The following ZCCHC14 variants were observed in gnomAD, a reference collection of about 807,000 sequenced individuals.
The protein encoded by ZCCHC14 is zinc finger CCHC domain-containing protein 14.
Under a neutral mutation model 85.0 loss-of-function variants are expected in ZCCHC14, and 16 were observed. The observed-to-expected ratio is 0.19, with a 90% CI of 0.13 to 0.29. The LOEUF is 0.29. Among genes scored for constraint, ZCCHC14 ranks in the 10% least tolerant of loss-of-function variants. The pLI is 1.00. For missense variants in ZCCHC14, 1,303 were observed against 1,443.5 expected (o/e 0.90, Z 1.58); for synonymous variants, 775 against 630.7 (o/e 1.23, Z -3.43).
In ZCCHC14 at chr16:87,452,466, G is replaced by C. The variant is rs1910751634; in HGVS notation, c.694+7542C>G. Among the ~76,000 whole-genome samples, 2 of 152,162 alleles carry C rather than the reference G, an allele frequency of 1.3e-5. 1 individual carries two copies. Among genetic ancestry groups the C allele is most frequent in the Admixed American group, 1.3e-4 (2 of 15,280 alleles). The stretch of plus-strand genomic sequence containing the variant: ...AGAGAGGGATAGTGGCTGCAGAACA[G>C]GCTTGGGTAAGACGGCTCAGGCAAA... On this transcript the variant is annotated intron_variant, in intron 2 of 12. Coordinates refer to ENST00000671377, the MANE Select transcript of ZCCHC14 (RefSeq NM_015144.3).
At chr16:87,429,974 T>A (rs554631584) in intron 3 of ZCCHC14, among the ~76,000 whole-genome samples, 134 of 152,366 alleles carry the variant, frequency 8.8e-4, no homozygotes, top group African/African-American at 3.0e-3. Context: ...AAATCCTTCA[T>A]CAGCTACATG....
chr16:87,480,246 A>G (rs1028727804), intron 1 of ZCCHC14, among the ~76,000 whole-genome samples: 7 of 152,048 alleles, frequency 4.6e-5, no homozygotes, highest in African/African-American at 1.7e-4. Context: ...TACTAAAAAT[A>G]CAAAAAATTA....
At chr16:87,419,364 A>G (rs951055715) in intron 6 of ZCCHC14, among the ~76,000 whole-genome samples, 9 of 144,396 alleles carry the variant, frequency 6.2e-5, no homozygotes, top group Non-Finnish European at 1.4e-4. Context: ...GCAGTGGTGC[A>G]ATCTCGGCTC....
intron 2 of ZCCHC14, among the ~76,000 whole-genome samples, chr16:87,455,605 C>G (rs895347980): frequency 6.6e-6 from 1 of 152,220 alleles, no homozygotes; most frequent in Non-Finnish European, 1.5e-5. Flanking sequence ...AACCATCACT[C>G]AAATGATTCT....
intron 3 of ZCCHC14, among the ~76,000 whole-genome samples, chr16:87,429,320 C>T (rs892404620): frequency 3.9e-5 from 6 of 152,156 alleles, no homozygotes; most frequent in African/African-American, 1.4e-4. Flanking sequence ...TTATGTGCCA[C>T]CCATGTATCT....
intron 1 of ZCCHC14, among the ~76,000 whole-genome samples, chr16:87,468,479 G>A (rs993819833): frequency 6.7e-6 from 1 of 149,680 alleles, no homozygotes; most frequent in African/African-American, 2.5e-5. Context: ...AAAAAAAAGT[G>A]GTCCTCCACT....
At chr16:87,484,528 T>C (rs1912426831) in intron 1 of ZCCHC14, among the ~76,000 whole-genome samples, 2 of 152,252 alleles carry the variant, frequency 1.3e-5, no homozygotes, top group Non-Finnish European at 2.9e-5. Context: ...ACAGCATGTA[T>C]GTAAGATCCT....
At chr16:87,467,010 T>A (rs1271939447) in intron 1 of ZCCHC14, 7 of 411,964 alleles carry the variant, frequency 1.7e-5, no homozygotes, top group Non-Finnish European at 2.6e-5. Flanking sequence ...ACAGTCACTT[T>A]GGAGGTCACG....
chr16:87,450,315 G>A (rs1262048222), intron 2 of ZCCHC14, among the ~76,000 whole-genome samples: 1 of 152,010 alleles, frequency 6.6e-6, no homozygotes, highest in Non-Finnish European at 1.5e-5. Flanking sequence ...TATGTTAATG[G>A]GATAATTTCT....
chr16:87,411,660 C>T lies in ZCCHC14; in HGVS notation c.3061G>A (p.Gly1021Arg), dbSNP rs1390736601. The T allele has an allele frequency of 1.2e-6, 2 of 1,614,060 alleles. 1 individual carries two copies. The highest frequency in any genetic ancestry group is 2.2e-5 in the South Asian group (2 of 91,090). ...PMQNFMAGTAGVYQTQGLVGS... is the reference protein window; with the variant it reads ...PMQNFMAGTARVYQTQGLVGS... ...ACCAGTCCTTGGGTCTGGTACACCCCTGCTGTCCCTGCCATGAAGTTCTGC... is the reference window on the plus strand; with the variant it reads ...ACCAGTCCTTGGGTCTGGTACACCCTTGCTGTCCCTGCCATGAAGTTCTGC... Residue 1021 changes from glycine (G) to arginine (R), a missense_variant, in exon 12 of 13, where the codon GGG becomes AGG. Gly to Arg is a moderately radical substitution (Grantham distance 125). Transcript: ENST00000671377.
chr16:87,440,263 C>G (rs1390970286), intron 2 of ZCCHC14, among the ~76,000 whole-genome samples: 1 of 151,922 alleles, frequency 6.6e-6, no homozygotes, highest in African/African-American at 2.4e-5. Context: ...CTCCTGAGTT[C>G]AAGCGATTCT....
intron 2 of ZCCHC14, among the ~76,000 whole-genome samples, chr16:87,446,162 C>T (rs538897326): frequency 2.8e-5 from 4 of 142,450 alleles, no homozygotes; most frequent in African/African-American, 1.0e-4. Flanking sequence ...AGCAAAACTC[C>T]GTCTCAAAAA....
intron 1 of ZCCHC14, among the ~76,000 whole-genome samples, chr16:87,489,019 G>A (rs1374523851): frequency 6.6e-6 from 1 of 152,208 alleles, no homozygotes; most frequent in Non-Finnish European, 1.5e-5. Flanking sequence ...CAGCTTTAAC[G>A]GGGCTGCTTT....
At chr16:87,457,643 C>A (rs1180425432) in intron 2 of ZCCHC14, among the ~76,000 whole-genome samples, 2 of 152,164 alleles carry the variant, frequency 1.3e-5, no homozygotes, top group Admixed American at 1.3e-4. Flanking sequence ...AACTGTATCA[C>A]TGTAAGACTT....
At position 87,412,044 on chromosome 16, in the gene ZCCHC14, T is replaced by C. The variant is rs748476570; in HGVS notation, c.2677A>G (p.Ile893Val). The change falls in exon 12 of 13, where the codon ATT becomes GTT. Residue 893 changes from isoleucine (I) to valine (V), a missense_variant. This residue lies in a region of ZCCHC14 where 797 missense variants were observed against 730.8 expected (regional missense o/e 1.09). Transcript: ENST00000671377. Reference protein sequence around the residue: ...SSGGGGSTGNIPASNPNHHHH... With the variant: ...SSGGGGSTGNVPASNPNHHHH... The stretch of plus-strand genomic sequence containing the variant: ...TGGTGGTTCGGATTCGAGGCAGGAA[T>C]GTTTCCTGTGGAGCCGCCACCGCCA... 6 of 1,609,456 alleles carry C rather than the reference T, an allele frequency of 3.7e-6. No homozygotes were observed. Among genetic ancestry groups the C allele is most frequent in the Non-Finnish European group, 5.1e-6 (6 of 1,179,896 alleles).
At chr16:87,481,906 T>C (rs1165472248) in intron 1 of ZCCHC14, among the ~76,000 whole-genome samples, 1 of 152,148 alleles carries the variant, frequency 6.6e-6, no homozygotes, top group Non-Finnish European at 1.5e-5. Flanking sequence ...AGCAACAGCC[T>C]GTATCTGCTT....
chr16:87,448,578 T>TA (rs533849369), intron 2 of ZCCHC14, among the ~76,000 whole-genome samples: 268 of 152,328 alleles, frequency 1.8e-3, no homozygotes, highest in Non-Finnish European at 2.8e-3. Context: ...ACTCACCTTC[T>TA]ACCTTGTATC....
At chr16:87,425,405 C>T (rs934350367) in intron 3 of ZCCHC14, among the ~76,000 whole-genome samples, 5 of 151,904 alleles carry the variant, frequency 3.3e-5, no homozygotes, top group East Asian at 1.9e-4. Context: ...GGAGAAACCC[C>T]GTCTCTACTA....
chr16:87,430,529 T>G (rs1909601592), intron 3 of ZCCHC14, among the ~76,000 whole-genome samples: 1 of 151,712 alleles, frequency 6.6e-6, no homozygotes, highest in African/African-American at 2.4e-5. Flanking sequence ...TCTTTCTTTT[T>G]TTTTTTTTTT....
Sources: allele counts gnomAD v4.1 joint callset (sites outside exome capture counted in the v4.1 genomes callset), GRCh38; gene constraint gnomAD v4.1.1; regional missense constraint gnomAD v4.1.1; transcripts MANE v1.5; gene names NCBI Gene and HGNC (gene_info 2026-07-23, HGNC 2026-07-21).